MALRD1: variants seen among roughly 807,000 people sequenced by gnomAD.
The protein encoded by MALRD1 is MAM and LDL-receptor class A domain-containing protein 1.
In MALRD1, 247 loss-of-function variants were observed where a neutral mutation model predicts 242.1. That is an observed-to-expected ratio of 1.02 (90% CI 0.92 to 1.13). MALRD1 has a LOEUF of 1.13. Among genes scored for constraint, MALRD1 ranks in the 50% most tolerant of loss-of-function variants. The probability of loss-of-function intolerance (pLI) is 0.00; values close to 1 mark genes in which losing one functional copy is unlikely to be tolerated. For missense variants in MALRD1, 2,989 were observed against 2,533.1 expected (o/e 1.18, Z -3.86); for synonymous variants, 995 against 866.6 (o/e 1.15, Z -2.60).
intron 31 of MALRD1, among the ~76,000 whole-genome samples, chr10:19,500,371 A>C (rs1012339056): frequency 6.6e-5 from 10 of 152,204 alleles, no homozygotes; most frequent in African/African-American, 2.4e-4. Flanking sequence ...GTGTATAACA[A>C]AGGTAGATAT....
chr10:19,654,809 A>G (rs1227133582), intron 36 of MALRD1, among the ~76,000 whole-genome samples: 1 of 152,168 alleles, frequency 6.6e-6, no homozygotes, highest in Non-Finnish European at 1.5e-5. Context: ...AATTAGACAC[A>G]AGAAAGGAAT....
chr10:19,236,786 G>A (rs142464007), intron 18 of MALRD1, among the ~76,000 whole-genome samples: 2 of 152,052 alleles, frequency 1.3e-5, no homozygotes, highest in African/African-American at 4.8e-5. Context: ...TAAAAGCAGA[G>A]TTCACCTAAG....
chr10:19,605,485 CT>C (rs369007691), intron 34 of MALRD1, among the ~76,000 whole-genome samples: 64,303 of 128,324 alleles, frequency 0.5, 15,112 homozygotes, highest in Non-Finnish European at 0.52. Context: ...GTTTTTCTTT[CT>C]TTTTTTTTTT....
intron 36 of MALRD1, among the ~76,000 whole-genome samples, chr10:19,642,998 G>T (rs1244781529): frequency 6.6e-6 from 1 of 152,122 alleles, no homozygotes; most frequent in Non-Finnish European, 1.5e-5. Flanking sequence ...TAGTAATTTT[G>T]TAGTTAGTTT....
At chr10:19,275,650 C>T (rs1419387374) in intron 19 of MALRD1, among the ~76,000 whole-genome samples, 1 of 151,924 alleles carries the variant, frequency 6.6e-6, no homozygotes, top group Non-Finnish European at 1.5e-5. Flanking sequence ...GCCTGGGCGA[C>T]AGAGCGAGAC....
intron 33 of MALRD1, among the ~76,000 whole-genome samples, chr10:19,594,289 GA>G (rs1837962420): frequency 6.6e-6 from 1 of 152,092 alleles, no homozygotes; most frequent in Non-Finnish European, 1.5e-5. Context: ...TGCTTTTTAA[GA>G]AATATTGTAC....
At chr10:19,165,207 T>G (rs1187160719) in intron 12 of MALRD1, among the ~76,000 whole-genome samples, 1 of 135,688 alleles carries the variant, frequency 7.4e-6, no homozygotes, top group African/African-American at 2.9e-5. Flanking sequence ...GAAAGGAGAA[T>G]TGAGAAGATT....
At chr10:19,104,183 A>T (rs1448735866) in intron 5 of MALRD1, 108 bp downstream of exon 5, 3 of 586,422 alleles carry the variant, frequency 5.1e-6, no homozygotes, top group Admixed American at 4.4e-5. Context: ...TGATGTTTTC[A>T]TGTGGGATAT....
intron 31 of MALRD1, among the ~76,000 whole-genome samples, chr10:19,499,085 G>A (rs1259311740): frequency 6.6e-6 from 1 of 152,170 alleles, no homozygotes; most frequent in Admixed American, 6.5e-5. Flanking sequence ...AGGAGCCAAA[G>A]TGTAAAATGG....
intron 19 of MALRD1, among the ~76,000 whole-genome samples, chr10:19,258,943 A>G (rs932419986): frequency 1.3e-5 from 2 of 152,094 alleles, no homozygotes; most frequent in African/African-American, 4.8e-5. Flanking sequence ...AATCTGGTTT[A>G]TATTAACAAA....
chr10:19,117,094 C>CA (rs35620225), intron 5 of MALRD1, among the ~76,000 whole-genome samples: 845 of 70,490 alleles, frequency 0.012, 8 homozygotes, highest in East Asian at 0.039. Context: ...GACTCTGTCT[C>CA]AAAAAAAAAA....
Position 19,478,566 on chromosome 10 carries a change from A to T in MALRD1, c.5030-12951A>T, listed in dbSNP as rs558579288. Among the ~76,000 whole-genome samples the T allele has an allele frequency of 7.5e-4, 114 of 152,268 alleles. 3 individuals are homozygous for T. The highest frequency in any genetic ancestry group is 1.2e-3 in the South Asian group (6 of 4,824). On this transcript the variant is annotated intron_variant, in intron 29 of 39. Transcript: ENST00000454679. ...AGGGTCCCTTTTTAATGAGGATTAC[A>T]GTTTCCTAGTCTAATTTCTTTTCTT...
chr10:19,227,706 T>G (rs1315590703), intron 18 of MALRD1, among the ~76,000 whole-genome samples: 3 of 152,202 alleles, frequency 2.0e-5, no homozygotes, highest in Non-Finnish European at 4.4e-5. Flanking sequence ...TAAATATGTC[T>G]GATAAAGAAC....
At chr10:19,701,777 C>T (rs541983503) in intron 38 of MALRD1, among the ~76,000 whole-genome samples, 3 of 133,456 alleles carry the variant, frequency 2.2e-5, no homozygotes, top group African/African-American at 8.3e-5. Flanking sequence ...CTCTTCTTCT[C>T]CCTCCCCCTT....
At chr10:19,478,573 T>C (rs559007232) in intron 29 of MALRD1, among the ~76,000 whole-genome samples, 1 of 152,270 alleles carries the variant, frequency 6.6e-6, no homozygotes, top group Admixed American at 6.5e-5. Context: ...TACAGTTTCC[T>C]AGTCTAATTT....
At chr10:19,596,993 T>C (rs1838131676) in intron 34 of MALRD1, among the ~76,000 whole-genome samples, 1 of 152,046 alleles carries the variant, frequency 6.6e-6, no homozygotes, top group Non-Finnish European at 1.5e-5. Flanking sequence ...AGAGTAAAGA[T>C]GAATGAAAGA....
chr10:19,134,690 T>A (rs1167584733), intron 9 of MALRD1, among the ~76,000 whole-genome samples: 2 of 152,254 alleles, frequency 1.3e-5, no homozygotes, highest in Non-Finnish European at 2.9e-5. Context: ...TTAATTTTCA[T>A]AGGCTGATAT....
At chr10:19,522,686 A>G (rs926334007) in intron 31 of MALRD1, among the ~76,000 whole-genome samples, 19 of 152,258 alleles carry the variant, frequency 1.2e-4, no homozygotes, top group African/African-American at 4.6e-4. Context: ...AATAATCCAA[A>G]TGAGCTGTAA....
At chr10:19,052,118 T>C in intron 1 of MALRD1, 1 of 459,338 alleles carries the variant, frequency 2.2e-6, no homozygotes, top group Non-Finnish European at 4.3e-6. Flanking sequence ...AGAATTCATA[T>C]AGCATCAAAG....
Sources: gnomAD v4.1 joint callset for allele counts (sites outside exome capture counted in the v4.1 genomes callset) on GRCh38, gnomAD v4.1.1 for gene constraint, MANE v1.5 for transcripts, NCBI Gene and HGNC (gene_info 2026-07-23, HGNC 2026-07-21) for gene names.